The following DHRS4L2 variants were observed in gnomAD, a reference collection of about 807,000 sequenced individuals.
DHRS4L2 encodes the protein dehydrogenase/reductase SDR family member 4-like 2.
Under a neutral mutation model 23.9 loss-of-function variants are expected in DHRS4L2, and 22 were observed. The ratio of observed to expected loss-of-function variants is 0.92; its 90% CI spans 0.66 to 1.31. The LOEUF is 1.31. Ranked by LOEUF, DHRS4L2 falls within the 40% of genes most tolerant of loss-of-function variation. The pLI is 0.00. For missense variants in DHRS4L2, 385 were observed against 303.3 expected, an observed-to-expected ratio of 1.27 and a Z score of -2.00; for synonymous variants, 141 against 123.7, an observed-to-expected ratio of 1.14 and a Z score of -0.93.
chr14:23,970,284 T>A (rs1230198809), exon 1 of DHRS4L2: 7 of 448,694 alleles, frequency 1.6e-5, no homozygotes, highest in South Asian at 3.2e-5. Context: ...ATCTCAGTCC[T>A]GACATCGCTG....
At position 23,972,023 on chromosome 14, in the gene DHRS4L2, CACAG is replaced by C. The variant is rs1272449127; in HGVS notation, c.-176+1694_-176+1697del. Among the ~76,000 whole-genome samples, 181 of 152,188 alleles carry C rather than the reference CACAG, an allele frequency of 1.2e-3. 1 individual carries two copies. The highest frequency in any genetic ancestry group is 4.2e-3 in the African/African-American group (174 of 41,564). ...TGGGATAAATGCCCCAATTAAAAGA[CACAG>C]ACTGGCAAATTGGATAAAGAATCAA... On this transcript the variant is annotated intron_variant, in intron 1 of 5. Coordinates refer to the DHRS4L2 transcript ENST00000534993.
chr14:23,995,195 C>T, intron 3 of DHRS4L2, 62 bp downstream of exon 3: 3 of 1,574,480 alleles, frequency 1.9e-6, no homozygotes, highest in East Asian at 2.2e-5. Context: ...CAAACTCCAT[C>T]TGCTTTTAGA....
rs554383253 is a variant in DHRS4L2 at position 23,982,477 on chromosome 14, T to C, written c.-175-7705T>C. ...ACACAGTAACAGTCTGATCTCTCTT[T>C]CTTTTCCCTACATATAGCCAAGACA... On this transcript the variant is annotated intron_variant, in intron 1 of 5. Coordinates refer to the DHRS4L2 transcript ENST00000534993. Among the ~76,000 whole-genome samples, 16 of 151,596 alleles carry C rather than the reference T, an allele frequency of 1.1e-4. 1 individual carries two copies. The South Asian group carries it at 1.5e-3, about 14-fold the overall frequency.
chr14:24,001,404 C>T lies in DHRS4L2; in HGVS notation c.552C>T (p.Val184=). The part of the protein sequence containing the change: ...SPSPGFSPYN[V]SKTALLGLNN... The stretch of plus-strand genomic sequence containing the variant: ...TCCAGGGCTTCAGTCCTTACAATGT[C>T]AGTAAAACAGCCTTGCTGGGCCTCA... Residue 184 remains valine (V), a synonymous_variant, in exon 6 of 8, where the codon GTC becomes GTT. Coordinates refer to ENST00000335125, the MANE Select transcript of DHRS4L2 (RefSeq NM_198083.4). 1 of 1,607,746 alleles carries T rather than the reference C, an allele frequency of 6.2e-7. No individual in the cohort carries two copies.
chr14:23,983,702 TA>T lies in DHRS4L2; in HGVS notation c.-175-6473del, dbSNP rs1201765788. ...TACACCATGGAATACTATGCAGCCA[TA>T]AAAAAAGATGAGTTCATGTCCTTTG... On this transcript the variant is annotated intron_variant, in intron 1 of 5. Transcript: ENST00000534993. Among the ~76,000 whole-genome samples the T allele has an allele frequency of 7.3e-5, 11 of 151,588 alleles. 1 individual carries two copies. Among genetic ancestry groups the T allele is most frequent in the African/African-American group, 1.9e-4 (8 of 41,344 alleles).
intron 1 of DHRS4L2, among the ~76,000 whole-genome samples, chr14:23,971,629 C>T (rs1354839768): frequency 6.6e-6 from 1 of 152,118 alleles, no homozygotes; most frequent in African/African-American, 2.4e-5. Context: ...CAGCAGATCT[C>T]TCAGCAGAAA....
chr14:23,977,230 T>TAA (rs2033984848), intron 1 of DHRS4L2, among the ~76,000 whole-genome samples: 1 of 151,928 alleles, frequency 6.6e-6, no homozygotes, highest in African/African-American at 2.4e-5. Flanking sequence ...TCTGGGTTCT[T>TAA]TTTTAAGTAA....
At chr14:24,005,502 C>T (rs1062729) in intron 7 of DHRS4L2, among the ~76,000 whole-genome samples, 3 of 151,758 alleles carry the variant, frequency 2.0e-5, no homozygotes, top group Non-Finnish European at 4.4e-5. Flanking sequence ...TCATTTTAAA[C>T]ACACCATTTA....
At chr14:23,983,874 C>A (rs72680450), upstream of DHRS4L2, among the ~76,000 whole-genome samples, 19 of 151,252 alleles carry the variant, frequency 1.3e-4, no homozygotes, top group Admixed American at 1.1e-3. Context: ...CACACCAGGG[C>A]CTGTTGGGTT....
At chr14:23,985,692 C>T (rs1566491075), upstream of DHRS4L2, among the ~76,000 whole-genome samples, 1 of 151,590 alleles carries the variant, frequency 6.6e-6, no homozygotes, top group Non-Finnish European at 1.5e-5. Context: ...ATGTATTTCC[C>T]TGAAAGGTTT....
At chr14:23,994,233 G>A (rs961815692) in intron 2 of DHRS4L2, among the ~76,000 whole-genome samples, 1 of 151,692 alleles carries the variant, frequency 6.6e-6, no homozygotes, top group Non-Finnish European at 1.5e-5. Flanking sequence ...AGCACTTGGA[G>A]AAATGTGGGT....
In DHRS4L2 at chr14:23,990,289, A is replaced by C; in HGVS notation, c.236A>C (p.Glu79Ala). 1 of 1,612,056 alleles carries C rather than the reference A, an allele frequency of 6.2e-7. No individual in the cohort carries two copies. The highest frequency in any genetic ancestry group is 8.5e-7 in the Non-Finnish European group (1 of 1,179,024). Residue 79 changes from glutamate to alanine, a missense_variant, in exon 2 of 8, where the codon GAG becomes GCG. Physicochemically the swap from Glu to Ala is moderately radical, Grantham distance 107. Transcript: ENST00000335125. ...VDQAVATLQGEGLSVTGTVCH... is the reference protein window; with the variant it reads ...VDQAVATLQGAGLSVTGTVCH... ...CAGGCGGTGGCCACGCTGCAGGGGG[A>C]GGGGCTGAGCGTGACGGGCACTGTG...
At chr14:23,985,714 T>C (rs866222504), upstream of DHRS4L2, among the ~76,000 whole-genome samples, 2 of 151,486 alleles carry the variant, frequency 1.3e-5, no homozygotes, top group African/African-American at 4.8e-5. Flanking sequence ...TTGTTCCTCT[T>C]CTTTTTTTAT....
chr14:23,995,070 C>T lies in DHRS4L2; in HGVS notation c.345C>T (p.Ser115=). 6.2e-7 allele frequency: 1 copy of T among 1,613,024 alleles called. No homozygotes were observed. The highest frequency in any genetic ancestry group is 8.5e-7 in the Non-Finnish European group (1 of 1,179,494). ...KLHGGIDILV[S]NAAVNPFFGS... ...ATGGAGGTATCGATATCCTAGTCTC[C>T]AATGCTGCTGTCAACCCTTTCTTTG... The change falls in exon 3 of 8, where the codon TCC becomes TCT. Residue 115 remains serine (S), a synonymous_variant. Coordinates refer to ENST00000335125, the MANE Select transcript of DHRS4L2 (RefSeq NM_198083.4).
At chr14:23,975,071 G>A (rs934709771) in intron 1 of DHRS4L2, among the ~76,000 whole-genome samples, 1 of 151,722 alleles carries the variant, frequency 6.6e-6, no homozygotes, top group African/African-American at 2.4e-5. Flanking sequence ...CATAGTATTG[G>A]AAGTTCTGGC....
At chr14:23,983,873 G>A (rs559462270), upstream of DHRS4L2, among the ~76,000 whole-genome samples, 1 of 151,496 alleles carries the variant, frequency 6.6e-6, no homozygotes, top group South Asian at 2.1e-4. Flanking sequence ...ACACACCAGG[G>A]CCTGTTGGGT....
chr14:23,993,720 C>A (rs1159408575), intron 2 of DHRS4L2, among the ~76,000 whole-genome samples: 1 of 151,704 alleles, frequency 6.6e-6, no homozygotes, highest in East Asian at 1.9e-4. Flanking sequence ...TGCCTTGAAT[C>A]TTTCATGCCT....
intron 1 of DHRS4L2, chr14:23,970,434 T>C (rs2033831298): frequency 8.4e-6 from 3 of 357,950 alleles, no homozygotes; most frequent in South Asian, 6.2e-5. Context: ...CAGTAGGCGT[T>C]CTATGATCAC....
chr14:23,994,720 G>A (rs756329483), intron 2 of DHRS4L2, among the ~76,000 whole-genome samples: 6 of 151,714 alleles, frequency 4.0e-5, no homozygotes, highest in African/African-American at 9.7e-5. Flanking sequence ...AATGGTTAGC[G>A]GCAGATCTTA....
Sources: gnomAD v4.1 joint callset for allele counts (sites outside exome capture counted in the v4.1 genomes callset) on GRCh38, gnomAD v4.1.1 for gene constraint, MANE v1.5 for transcripts, NCBI Gene and HGNC (gene_info 2026-07-23, HGNC 2026-07-21) for gene names.